PTPN13: variants seen among roughly 807,000 people sequenced by gnomAD.
PTPN13 encodes the protein protein tyrosine phosphatase non-receptor type 13.
In PTPN13, 191 loss-of-function variants were observed where a neutral mutation model predicts 284.0. The observed-to-expected ratio is 0.67, with a 90% CI of 0.60 to 0.76. PTPN13 has a LOEUF of 0.76. PTPN13 is among the 30% of genes least tolerant of loss of function. The pLI, the probability that PTPN13 is intolerant of heterozygous loss-of-function variation, is 0.00. For missense variants in PTPN13, 2,797 were observed against 2,939.9 expected (o/e 0.95, Z 1.12); for synonymous variants, 986 against 1,022.3 (o/e 0.96, Z 0.68).
At chr4:86,677,278 A>G (rs1225499586) in intron 3 of PTPN13, among the ~76,000 whole-genome samples, 2 of 151,372 alleles carry the variant, frequency 1.3e-5, no homozygotes, top group Non-Finnish European at 3.0e-5. Context: ...AAAAACAACA[A>G]CAACAAAATA....
At chr4:86,611,029 C>T (rs1765216420) in intron 1 of PTPN13, among the ~76,000 whole-genome samples, 1 of 152,120 alleles carries the variant, frequency 6.6e-6, no homozygotes, top group African/African-American at 2.4e-5. Context: ...GACTTGATTT[C>T]CATTATTTTT....
intron 16 of PTPN13, among the ~76,000 whole-genome samples, chr4:86,742,385 G>A (rs1422706230): frequency 6.6e-6 from 1 of 152,180 alleles, no homozygotes; most frequent in Non-Finnish European, 1.5e-5. Flanking sequence ...GGCATATTTT[G>A]ATTTTGGACC....
chr4:86,620,800 C>G (rs1478506675), intron 1 of PTPN13, among the ~76,000 whole-genome samples: 1 of 152,198 alleles, frequency 6.6e-6, no homozygotes, highest in East Asian at 1.9e-4. Context: ...TCTAGCAGGT[C>G]TAATTTCGGG....
At chr4:86,650,190 T>C (rs1724919945) in intron 2 of PTPN13, among the ~76,000 whole-genome samples, 1 of 152,154 alleles carries the variant, frequency 6.6e-6, no homozygotes, top group Admixed American at 6.5e-5. Flanking sequence ...TTCTGCCATA[T>C]TGGCCAGGCT....
chr4:86,765,441 C>T lies in PTPN13; in HGVS notation c.4196C>T (p.Ala1399Val). The T allele has an allele frequency of 6.2e-7, 1 of 1,602,652 alleles. No individual in the cohort carries two copies. Among genetic ancestry groups the T allele is most frequent in the Non-Finnish European group, 8.5e-7 (1 of 1,174,028 alleles). The change falls in exon 26 of 48, where the codon GCT (alanine) becomes GTT (valine). Residue 1399 changes from alanine (A) to valine (V), a missense_variant. Coordinates refer to ENST00000411767, the MANE Select transcript of PTPN13 (RefSeq NM_080683.3). ...AGACATGGTGGCATTTATGTGAAAGCTGTTATTCCCCAGGGAGCAGCAGAG... is the reference window on the plus strand; with the variant it reads ...AGACATGGTGGCATTTATGTGAAAGTTGTTATTCCCCAGGGAGCAGCAGAG... Reference protein sequence around the residue: ...SVRHGGIYVKAVIPQGAAESD... With the variant: ...SVRHGGIYVKVVIPQGAAESD...
In PTPN13 at chr4:86,771,176, A is replaced by C; in HGVS notation, c.4809A>C (p.Pro1603=). ...LPEIDTALLT[P]LQSPAQVLPN... is the part of the protein sequence containing the mutation. The stretch of plus-strand genomic sequence containing the variant: ...TTTAAATGTGTCCATTACAGACCCC[A>C]CTTCAGTCTCCAGCACAAGTACTTC... Residue 1603 remains proline, a synonymous_variant, in exon 31 of 48, where the codon CCA becomes CCC. Transcript: ENST00000411767. 6.2e-7 allele frequency: 1 copy of C among 1,608,674 alleles called. No individual in the cohort carries two copies. The highest frequency in any genetic ancestry group is 8.5e-7 in the Non-Finnish European group (1 of 1,177,060).
At chr4:86,735,460 C>T in intron 14 of PTPN13, 134 bp from the exon 15 acceptor site, 3 of 904,506 alleles carry the variant, frequency 3.3e-6, no homozygotes, top group Non-Finnish European at 4.9e-6. Context: ...TCTTCTAAAA[C>T]TCATTCCTCA....
intron 9 of PTPN13, among the ~76,000 whole-genome samples, chr4:86,718,743 A>C (rs1233169175): frequency 2.0e-5 from 3 of 151,920 alleles, no homozygotes; most frequent in Non-Finnish European, 4.4e-5. Context: ...GAGCCACTGC[A>C]CCTGGCCTAA....
chr4:86,780,872 A>G (rs1238733096), intron 36 of PTPN13, among the ~76,000 whole-genome samples: 1 of 152,230 alleles, frequency 6.6e-6, no homozygotes, highest in Non-Finnish European at 1.5e-5. Flanking sequence ...CATAAGAGAA[A>G]TAGTTCATAC....
At position 86,814,309 on chromosome 4, in the gene PTPN13, C is replaced by T. The variant is rs568018868; in HGVS notation, c.7363-147C>T. ...TGTGAGCCACCGCGCCCAGCCTACA[C>T]CCTGTTTCTTGCATTCAACATTCTA... On this transcript the variant is annotated intron_variant, in intron 47 of 47. Transcript: ENST00000411767. The T allele has an allele frequency of 5.7e-6, 3 of 528,914 alleles. No individual in the cohort carries two copies. The African/African-American group carries it at 5.8e-5, about 10-fold the overall frequency. 32.8% of individuals were successfully genotyped at this position (528,914 alleles called of 1,614,324 possible).
chr4:86,814,813 T>G lies in PTPN13; in HGVS notation c.*262T>G, dbSNP rs1040744529. ...CTTAGGGATGATTAAAGGCAGCATT[T>G]GATGATAGCAGACATTGTTACAAGG... On this transcript the variant is annotated 3_prime_UTR_variant, in exon 48 of 48. Coordinates refer to ENST00000411767, the MANE Select transcript of PTPN13 (RefSeq NM_080683.3). The G allele has an allele frequency of 3.1e-6, 1 of 323,550 alleles. No individual in the cohort carries two copies. The highest frequency in any genetic ancestry group is 2.1e-5 in the African/African-American group (1 of 47,408). 20.0% of individuals were successfully genotyped at this position (323,550 alleles called of 1,614,324 possible).
At chr4:86,666,154 A>C (rs547127266) in intron 2 of PTPN13, among the ~76,000 whole-genome samples, 1 of 152,196 alleles carries the variant, frequency 6.6e-6, no homozygotes, top group Non-Finnish European at 1.5e-5. Flanking sequence ...GAACCCAGGG[A>C]TTCTGGCTTA....
intron 36 of PTPN13, 63 bp downstream of exon 36, chr4:86,780,535 A>C: frequency 8.9e-7 from 1 of 1,121,982 alleles, no homozygotes; most frequent in Admixed American, 2.0e-5. Flanking sequence ...TGGCACATCC[A>C]TTTTGGAAAA....
intron 28 of PTPN13, among the ~76,000 whole-genome samples, chr4:86,768,895 A>T (rs1739648931): frequency 6.6e-6 from 1 of 151,990 alleles, no homozygotes; most frequent in African/African-American, 2.4e-5. Context: ...TTTTTAGTAC[A>T]GACGGGGTTT....
rs1735303118 is a variant in PTPN13, at chr4:86,734,723, G to A, written c.2013-14G>A. 9.4e-6 allele frequency: 15 copies of A among 1,602,490 alleles called. No individual in the cohort carries two copies. Among genetic ancestry groups the A allele is most frequent in the Non-Finnish European group, 1.3e-5 (15 of 1,171,820 alleles). ...ATCAAAGGCCAAGATGTCTGTGTGT[G>A]TTTGTTTTTTCAGACATACTCTGAC... On this transcript the variant is annotated splice_polypyrimidine_tract_variant and intron_variant, in intron 13 of 47. Coordinates refer to ENST00000411767, the MANE Select transcript of PTPN13 (RefSeq NM_080683.3).
At chr4:86,661,494 T>C (rs1197011350) in intron 2 of PTPN13, among the ~76,000 whole-genome samples, 7 of 152,180 alleles carry the variant, frequency 4.6e-5, no homozygotes, top group Non-Finnish European at 8.8e-5. Flanking sequence ...ATTGAATAGT[T>C]TACCATTCAA....
In PTPN13 at chr4:86,734,846, C is replaced by A; in HGVS notation, c.2122C>A (p.Gln708Lys). The A allele has an allele frequency of 6.2e-7, 1 of 1,613,208 alleles. No individual in the cohort carries two copies. Among genetic ancestry groups the A allele is most frequent in the Non-Finnish European group, 8.5e-7 (1 of 1,179,386 alleles). Reference sequence around the variant, plus strand: ...CTTATTGCTGGCATCCTTGGCTCTCCAGGCTGAGTATGGAGATTATCAACC... The same window carrying A: ...CTTATTGCTGGCATCCTTGGCTCTCAAGGCTGAGTATGGAGATTATCAACC... ...TSLLLASLALQAEYGDYQPEV... is the reference protein window; with the variant it reads ...TSLLLASLALKAEYGDYQPEV... Residue 708 changes from glutamine (Q) to lysine (K), a missense_variant, in exon 14 of 48, where the codon CAG becomes AAG. By Grantham distance (53) the Gln-to-Lys change is moderately conservative (BLOSUM62 1). Transcript: ENST00000411767.
At chr4:86,685,223 T>A (rs1011513594) in intron 3 of PTPN13, among the ~76,000 whole-genome samples, 1 of 152,212 alleles carries the variant, frequency 6.6e-6, no homozygotes, top group African/African-American at 2.4e-5. Flanking sequence ...AGAGAAGTCC[T>A]TTGATTCAGC....
intron 20 of PTPN13, among the ~76,000 whole-genome samples, chr4:86,757,448 C>G (rs1237025607): frequency 2.6e-5 from 4 of 152,046 alleles, no homozygotes; most frequent in Admixed American, 6.6e-5. Context: ...ATGTGCTAGA[C>G]AAGGAATTAT....
Sources: allele counts gnomAD v4.1 joint callset (sites outside exome capture counted in the v4.1 genomes callset), GRCh38; gene constraint gnomAD v4.1.1; transcripts MANE v1.5; gene names NCBI Gene and HGNC (gene_info 2026-07-23, HGNC 2026-07-21).